Variants in NQO1 observed in about 807,000 individuals in gnomAD.
NQO1 encodes NAD(P)H dehydrogenase [quinone] 1.
In NQO1, 30 loss-of-function variants were observed where a neutral mutation model predicts 32.1. The observed-to-expected ratio is 0.94, with a 90% CI of 0.70 to 1.27. NQO1 has a LOEUF of 1.27. Among genes scored for constraint, NQO1 ranks in the 50% most tolerant of loss-of-function variants. NQO1 has a pLI of 0.00. For synonymous variants in NQO1, 109 were observed against 119.7 expected (o/e 0.91, Z 0.59); for missense variants, 276 against 331.3 (o/e 0.83, Z 1.30).
In NQO1 at chr16:69,710,792, A is replaced by T; in HGVS notation, c.*184T>A. ...CCCAGTCGGATTTTGGTTATATGCC[A>T]TGATAGTAATCATAAGAATCAGTTA... On this transcript the variant is annotated 3_prime_UTR_variant, in exon 6 of 6. Coordinates refer to ENST00000320623, the MANE Select transcript of NQO1 (RefSeq NM_000903.3). 2 of 693,028 alleles carry T rather than the reference A, an allele frequency of 2.9e-6. No individual in the cohort carries two copies. The highest frequency in any genetic ancestry group is 4.3e-5 in the South Asian group (2 of 46,698). The allele number at this position is 693,028 out of a possible 1,614,324, so 42.9% of individuals were successfully genotyped here.
chr16:69,713,939 G>A lies in NQO1; in HGVS notation c.418-810C>T, dbSNP rs942790224. 2.9e-5 allele frequency among the ~76,000 whole-genome samples: 4 copies of A among 138,744 alleles called. 1 individual carries two copies. The highest frequency in any genetic ancestry group is 5.5e-5 in the African/African-American group (2 of 36,370). The allele number at this position is 138,744 out of a possible 152,430, so 91.0% of individuals were successfully genotyped here. Reference sequence around the variant, plus strand: ...CACCCAGCCTGGAGTGCAGTGGTGCGATCTCGGCTCACTGCAACCTCTGCC... The same window carrying A: ...CACCCAGCCTGGAGTGCAGTGGTGCAATCTCGGCTCACTGCAACCTCTGCC... On this transcript the variant is annotated intron_variant, in intron 4 of 5. Coordinates refer to ENST00000320623, the MANE Select transcript of NQO1 (RefSeq NM_000903.3).
rs139686814 is a variant in NQO1, at chr16:69,710,631, T to C, written c.*345A>G. On this transcript the variant is annotated 3_prime_UTR_variant, in exon 6 of 6. Coordinates refer to ENST00000320623, the MANE Select transcript of NQO1 (RefSeq NM_000903.3). ...CTACAGAGAGGTGATTAATAGAACA[T>C]TGGAGAGTTGAATGATACCTAGCCA... The C allele has an allele frequency of 1.6e-5, 4 of 245,768 alleles. No homozygotes were observed. The highest frequency in any genetic ancestry group is 1.0e-4 in the East Asian group (1 of 9,966). The allele number at this position is 245,768 out of a possible 1,614,324, so 15.2% of individuals were successfully genotyped here.
chr16:69,718,738 A>T (rs2038150600), intron 1 of NQO1, among the ~76,000 whole-genome samples: 1 of 152,220 alleles, frequency 6.6e-6, no homozygotes, highest in South Asian at 2.1e-4. Context: ...GGCTGATTTA[A>T]TAAATAATGT....
chr16:69,718,126 G>T lies in NQO1; in HGVS notation c.300C>A (p.Phe100Leu). Residue 100 changes from phenylalanine to leucine, a missense_variant, in exon 3 of 6, where the codon TTC (phenylalanine) becomes TTA (leucine). Transcript: ENST00000320623. ...CCCTTCCGATGTCCCCCCATACCTG[G>T]AATATCACAAGGTCTGCGGCTTCCA... ...KKLEAADLVI[F>L]QFPLQWFGVP... 3 of 1,613,990 alleles carry T rather than the reference G, an allele frequency of 1.9e-6. No homozygotes were observed. Among genetic ancestry groups the T allele is most frequent in the Non-Finnish European group, 2.5e-6 (3 of 1,179,890 alleles).
At chr16:69,718,037 T>C in intron 3 of NQO1, 86 bp downstream of exon 3, 1 of 1,554,784 alleles carries the variant, frequency 6.4e-7, no homozygotes, top group Non-Finnish European at 8.7e-7. Flanking sequence ...TGGGTAACTG[T>C]TTAAGATCTC....
intron 1 of NQO1, among the ~76,000 whole-genome samples, chr16:69,723,714 A>G (rs2151747662): frequency 6.6e-6 from 1 of 152,224 alleles, no homozygotes; most frequent in African/African-American, 2.4e-5. Context: ...AGGCAGGAGA[A>G]TTGCTTGAAT....
intron 3 of NQO1, among the ~76,000 whole-genome samples, chr16:69,715,412 T>G (rs1374369579): frequency 6.6e-6 from 1 of 152,262 alleles, no homozygotes; most frequent in Non-Finnish European, 1.5e-5. Flanking sequence ...CAAGGTTTGC[T>G]TCATGCTGTT....
At chr16:69,726,347 T>C in intron 1 of NQO1, 86 bp downstream of exon 1, 13 of 1,557,086 alleles carry the variant, frequency 8.3e-6, no homozygotes, top group South Asian at 2.3e-5. Context: ...AGGAACAAAA[T>C]TCAGGGCCAA....
At chr16:69,719,955 A>C (rs936237074) in intron 1 of NQO1, among the ~76,000 whole-genome samples, 3 of 151,884 alleles carry the variant, frequency 2.0e-5, no homozygotes, top group Non-Finnish European at 4.4e-5. Flanking sequence ...ATAAAAAAAA[A>C]TTTTTAGAGA....
intron 5 of NQO1, 72 bp from the exon 6 acceptor site, chr16:69,711,353 G>T: frequency 7.4e-7 from 1 of 1,357,574 alleles, no homozygotes; most frequent in Non-Finnish European, 1.0e-6. Context: ...AACAGAAGTT[G>T]GTCTGGGCTT....
In NQO1 at chr16:69,711,172, T is replaced by G. The variant is rs1381218883; in HGVS notation, c.629A>C (p.Lys210Thr). ...ARIQILEGWK[K>T]RLENIWDETP... ...CTCATCCCAAATATTCTCCAGGCGT[T>G]TCTTCCATCCTTCCAGGATTTGAAT... The change falls in exon 6 of 6, where the codon AAA becomes ACA. Residue 210 changes from lysine (K) to threonine (T), a missense_variant. Transcript: ENST00000320623. 1.2e-6 allele frequency: 2 copies of G among 1,614,114 alleles called. No individual in the cohort carries two copies. Among genetic ancestry groups the G allele is most frequent in the African/African-American group, 2.7e-5 (2 of 74,934 alleles).
At chr16:69,713,950 A>G (rs1432511467) in intron 4 of NQO1, among the ~76,000 whole-genome samples, 9 of 140,374 alleles carry the variant, frequency 6.4e-5, no homozygotes, top group Admixed American at 6.3e-4. Context: ...ATCTCGGCTC[A>G]CTGCAACCTC....
In NQO1 at chr16:69,710,107, C is replaced by G. The variant is rs1044573880; in HGVS notation, c.*869G>C. The G allele has an allele frequency of 2.9e-5, 6 of 206,258 alleles. No homozygotes were observed. The highest frequency in any genetic ancestry group is 4.8e-5 in the Non-Finnish European group (5 of 104,004). The allele number at this position is 206,258 out of a possible 1,614,324, so 12.8% of individuals were successfully genotyped here. A position where few individuals can be genotyped will look rare whatever the true frequency, so the allele number is the denominator to read the frequency against. ...CAGCACTTTGGGAGGCTGAGGTAGG[C>G]GGATCACCTGAGGTCAGGAGTTTGA... On this transcript the variant is annotated 3_prime_UTR_variant, in exon 6 of 6. Coordinates refer to ENST00000320623, the MANE Select transcript of NQO1 (RefSeq NM_000903.3).
chr16:69,725,789 G>T (rs775874778), intron 1 of NQO1, among the ~76,000 whole-genome samples: 1 of 152,198 alleles, frequency 6.6e-6, no homozygotes, highest in Non-Finnish European at 1.5e-5. Context: ...TGGGAGAATC[G>T]CTTGAACCCG....
In NQO1 at chr16:69,710,375, C is replaced by T. The variant is rs2038022593; in HGVS notation, c.*601G>A. 6.6e-6 allele frequency: 1 copy of T among 150,876 alleles called. No individual in the cohort carries two copies. The highest frequency in any genetic ancestry group is 1.5e-5 in the Non-Finnish European group (1 of 67,752). The allele number at this position is 150,876 out of a possible 1,614,324, so 9.3% of individuals were successfully genotyped here. On this transcript the variant is annotated 3_prime_UTR_variant, in exon 6 of 6. Coordinates refer to ENST00000320623, the MANE Select transcript of NQO1 (RefSeq NM_000903.3). ...TTAAAAAAAAAGTAGATGACTGCAG[C>T]AAAGAAGAGATTTATTAGCTCTTCC...
chr16:69,713,896 T>TTTTTTTTTTTTTGTTTTTTTTTTTTTTTG, intron 4 of NQO1, among the ~76,000 whole-genome samples: 1 of 121,310 alleles, frequency 8.2e-6, no homozygotes, highest in Admixed American at 9.3e-5. Context: ...TTGTTTTTGA[T>TTTTTTTTTTTTTGTTTTTTTTTTTTTTTG]ATGGAGGCTC....
intron 3 of NQO1, among the ~76,000 whole-genome samples, chr16:69,715,624 C>T (rs576124094): frequency 9.2e-5 from 14 of 151,988 alleles, no homozygotes; most frequent in South Asian, 2.1e-4. Context: ...CAAAATCAAC[C>T]GGGCGTGGTG....
intron 1 of NQO1, among the ~76,000 whole-genome samples, chr16:69,720,528 T>C (rs1451035541): frequency 4.0e-5 from 6 of 151,192 alleles, no homozygotes; most frequent in Non-Finnish European, 5.9e-5. Context: ...TGTGCAGTGA[T>C]CACATTAAAC....
intron 1 of NQO1, among the ~76,000 whole-genome samples, chr16:69,725,707 G>C (rs2917668): frequency 1 from 152,156 of 152,316 alleles, 75,999 homozygotes; most frequent in Non-Finnish European, 1. Flanking sequence ...AAACCCGTCT[G>C]TACTAAAAAT....
Sources: allele counts gnomAD v4.1 joint callset (sites outside exome capture counted in the v4.1 genomes callset), GRCh38; gene constraint gnomAD v4.1.1; transcripts MANE v1.5; gene names NCBI Gene and HGNC (gene_info 2026-07-23, HGNC 2026-07-21).